Variants in GPC5 observed in about 807,000 individuals in gnomAD.
GPC5 encodes glypican 5.
A neutral mutation model predicts 53.9 loss-of-function variants in GPC5; 47 were observed. The observed-to-expected ratio is 0.87, with a 90% CI of 0.69 to 1.11. The LOEUF (loss-of-function observed/expected upper bound fraction) is 1.11, where lower values mean the gene tolerates loss of function less well. GPC5 is among the 50% of genes most tolerant of loss of function. The pLI is 0.00. For synonymous variants in GPC5, 286 were observed against 263.3 expected (o/e 1.09, Z -0.84); for missense variants, 748 against 713.1 (o/e 1.05, Z -0.56).
chr13:92,257,744 G>T (rs1486068430), intron 7 of GPC5, among the ~76,000 whole-genome samples: 1 of 151,560 alleles, frequency 6.6e-6, no homozygotes, highest in African/African-American at 2.4e-5. Flanking sequence ...TAGAGATGGG[G>T]TTTCACCATG....
At chr13:92,725,648 A>G (rs1187701322) in intron 7 of GPC5, among the ~76,000 whole-genome samples, 1 of 151,624 alleles carries the variant, frequency 6.6e-6, no homozygotes, top group Admixed American at 6.6e-5. Flanking sequence ...TGAAAATACA[A>G]AAAAATGAAA....
chr13:92,340,822 T>C (rs903665117), intron 7 of GPC5, among the ~76,000 whole-genome samples: 1 of 152,128 alleles, frequency 6.6e-6, no homozygotes, highest in African/African-American at 2.4e-5. Flanking sequence ...CCGGTTTTTA[T>C]GCATAAAATA....
chr13:91,612,939 C>T (rs75052235), intron 2 of GPC5, among the ~76,000 whole-genome samples: 5,534 of 152,216 alleles, frequency 0.036, 297 homozygotes, highest in South Asian at 0.22. Context: ...GGCAAAGGGG[C>T]AAGTCCTGTC....
At position 92,042,543 on chromosome 13, in the gene GPC5, C is replaced by T. The variant is rs548188725; in HGVS notation, c.1402-102287C>T. On this transcript the variant is annotated intron_variant, in intron 6 of 7. Coordinates refer to ENST00000377067, the MANE Select transcript of GPC5 (RefSeq NM_004466.6). ...AACATGTTTGAGAAGCCACATACCA[C>T]GGGGAAAATAGACTTTGCAGAACTA... 5.3e-5 allele frequency among the ~76,000 whole-genome samples: 8 copies of T among 152,076 alleles called. No homozygotes were observed. In the South Asian group the frequency reaches 6.2e-4, roughly 12 times the overall value.
chr13:91,680,359 G>C lies in GPC5; in HGVS notation c.326-12828G>C, dbSNP rs143471114. Among the ~76,000 whole-genome samples, 214 of 152,318 alleles carry C rather than the reference G, an allele frequency of 1.4e-3. 1 individual carries two copies. Among genetic ancestry groups the C allele is most frequent in the African/African-American group, 4.9e-3 (202 of 41,560 alleles). On this transcript the variant is annotated intron_variant, in intron 2 of 7. Transcript: ENST00000377067. Reference sequence around the variant, plus strand: ...AGCTACTCTGGAGACTGAGGCAGGAGAATCACTTGAACCAGGGAGGCGGAG... The same window carrying C: ...AGCTACTCTGGAGACTGAGGCAGGACAATCACTTGAACCAGGGAGGCGGAG...
intron 5 of GPC5, among the ~76,000 whole-genome samples, chr13:91,853,808 A>G (rs2038938762): frequency 6.6e-6 from 1 of 152,018 alleles, no homozygotes; most frequent in Non-Finnish European, 1.5e-5. Context: ...AACCATTTCT[A>G]GGTCATAACA....
intron 6 of GPC5, among the ~76,000 whole-genome samples, chr13:92,030,739 G>A (rs564266466): frequency 2.6e-5 from 4 of 152,314 alleles, no homozygotes; most frequent in South Asian, 2.1e-4. Context: ...GGACAAGTGC[G>A]CACTGGCGTA....
At chr13:91,551,667 C>T (rs917999190) in intron 2 of GPC5, among the ~76,000 whole-genome samples, 6 of 151,972 alleles carry the variant, frequency 3.9e-5, no homozygotes, top group Non-Finnish European at 5.9e-5. Context: ...TTATATACTG[C>T]GGAGTCAGAG....
intron 6 of GPC5, among the ~76,000 whole-genome samples, chr13:91,983,617 A>G (rs1456005304): frequency 6.6e-6 from 1 of 152,212 alleles, no homozygotes; most frequent in African/African-American, 2.4e-5. Flanking sequence ...AATTCTCTCC[A>G]GACACTCGAT....
At chr13:91,787,157 G>T (rs991357810) in intron 5 of GPC5, among the ~76,000 whole-genome samples, 11 of 151,904 alleles carry the variant, frequency 7.2e-5, no homozygotes, top group African/African-American at 2.7e-4. Context: ...AGACAGTTTT[G>T]CATTTGCTAT....
intron 2 of GPC5, among the ~76,000 whole-genome samples, chr13:91,497,288 A>T (rs1884324538): frequency 1.4e-5 from 2 of 147,208 alleles, no homozygotes; most frequent in African/African-American, 4.9e-5. Context: ...CTGAAGTCAG[A>T]TATAGTTTAT....
chr13:92,348,914 C>T (rs894890179), intron 7 of GPC5, among the ~76,000 whole-genome samples: 2 of 151,988 alleles, frequency 1.3e-5, no homozygotes, highest in African/African-American at 4.8e-5. Context: ...TTATGGAATA[C>T]AGCAAAAGAA....
At chr13:92,708,232 T>C (rs557156609) in intron 7 of GPC5, among the ~76,000 whole-genome samples, 13 of 152,302 alleles carry the variant, frequency 8.5e-5, no homozygotes, top group Middle Eastern at 3.4e-3. Context: ...CTATTTGCAA[T>C]CCATAGCTTT....
intron 6 of GPC5, among the ~76,000 whole-genome samples, chr13:91,926,521 T>C (rs1566346101): frequency 6.6e-6 from 1 of 152,200 alleles, no homozygotes; most frequent in Admixed American, 6.5e-5. Flanking sequence ...CTGTTCCATG[T>C]ATTTGTTATC....
chr13:92,119,918 G>A (rs9560926), intron 6 of GPC5, among the ~76,000 whole-genome samples: 69,268 of 151,790 alleles, frequency 0.46, 16,059 homozygotes, highest in Admixed American at 0.51. Flanking sequence ...AAAGCACTGG[G>A]TCTATATTTA....
At chr13:92,847,522 T>G (rs1405674820) in intron 7 of GPC5, among the ~76,000 whole-genome samples, 1 of 152,018 alleles carries the variant, frequency 6.6e-6, no homozygotes, top group African/African-American at 2.4e-5. Context: ...TCTTCTTCCT[T>G]CTCCAGCCAT....
chr13:91,751,007 C>G (rs1485143996), intron 4 of GPC5, among the ~76,000 whole-genome samples: 1 of 152,024 alleles, frequency 6.6e-6, no homozygotes, highest in East Asian at 1.9e-4. Context: ...GTGTTTCAAT[C>G]CCCTCCTTTA....
chr13:91,491,580 A>T (rs1171549196), intron 2 of GPC5, among the ~76,000 whole-genome samples: 1 of 152,160 alleles, frequency 6.6e-6, no homozygotes, highest in Admixed American at 6.6e-5. Flanking sequence ...AATAATAAAA[A>T]ATTATTTTCT....
intron 7 of GPC5, among the ~76,000 whole-genome samples, chr13:92,147,069 C>T (rs1459438048): frequency 6.6e-6 from 1 of 151,806 alleles, no homozygotes; most frequent in African/African-American, 2.4e-5. Flanking sequence ...GAAATTGTGT[C>T]ATTAAAAAGA....
Sources: allele counts gnomAD v4.1 joint callset (sites outside exome capture counted in the v4.1 genomes callset), GRCh38; gene constraint gnomAD v4.1.1; transcripts MANE v1.5; gene names NCBI Gene and HGNC (gene_info 2026-07-23, HGNC 2026-07-21).